APBB2: variants seen among roughly 807,000 people sequenced by gnomAD.
APBB2 encodes Fe65-like 1.
Under a neutral mutation model 82.5 loss-of-function variants are expected in APBB2, and 38 were observed. That is an observed-to-expected ratio of 0.46 (90% CI 0.36 to 0.60). APBB2 has a LOEUF of 0.60. Ranked by LOEUF, APBB2 falls within the 20% of genes least tolerant of loss-of-function variation. The pLI is 0.00. For synonymous variants in APBB2, 341 were observed against 368.2 expected, an observed-to-expected ratio of 0.93 and a Z score of 0.85; for missense variants, 772 against 972.3, an observed-to-expected ratio of 0.79 and a Z score of 2.74.
intron 2 of APBB2, among the ~76,000 whole-genome samples, chr4:41,118,868 G>C (rs2661656): frequency 0.23 from 35,532 of 152,076 alleles, 5,145 homozygotes; most frequent in East Asian, 0.6. Context: ...GGCCGGGCGC[G>C]GTGGCTCACG....
chr4:40,879,077 T>C (rs1304360383), intron 12 of APBB2, among the ~76,000 whole-genome samples: 1 of 151,938 alleles, frequency 6.6e-6, no homozygotes, highest in Non-Finnish European at 1.5e-5. Context: ...CCAGTTGAAG[T>C]TATAACAAAG....
intron 12 of APBB2, among the ~76,000 whole-genome samples, chr4:40,848,426 A>G (rs528803130): frequency 1.3e-5 from 2 of 152,216 alleles, no homozygotes; most frequent in East Asian, 3.9e-4. Context: ...AACAGAACAC[A>G]GGCCTGCTGG....
chr4:41,156,825 T>A (rs1763576671), intron 1 of APBB2, among the ~76,000 whole-genome samples: 1 of 151,978 alleles, frequency 6.6e-6, no homozygotes, highest in African/African-American at 2.4e-5. Context: ...CAGCACTTTG[T>A]GAGGCCAAGA....
At chr4:40,923,316 T>G (rs1030345243) in intron 10 of APBB2, among the ~76,000 whole-genome samples, 1 of 152,204 alleles carries the variant, frequency 6.6e-6, no homozygotes, top group Non-Finnish European at 1.5e-5. Context: ...AGCAGAAATG[T>G]TTTCATCACT....
intron 4 of APBB2, among the ~76,000 whole-genome samples, chr4:41,055,503 C>G (rs1383624739): frequency 1.3e-5 from 2 of 152,130 alleles, no homozygotes; most frequent in African/African-American, 4.8e-5. Flanking sequence ...TTGTCACTGC[C>G]CTCTATACCA....
chr4:40,901,894 AAT>A (rs753101648), intron 10 of APBB2, among the ~76,000 whole-genome samples: 19 of 141,550 alleles, frequency 1.3e-4, no homozygotes, highest in Admixed American at 2.8e-4. Context: ...ACACCCTGAA[AAT>A]ATATCCAAAA....
At chr4:41,068,286 T>C (rs1157903678) in intron 3 of APBB2, among the ~76,000 whole-genome samples, 2 of 152,220 alleles carry the variant, frequency 1.3e-5, no homozygotes, top group Admixed American at 6.5e-5. Context: ...GTGGTCTCTA[T>C]TTCTCATAAC....
intron 5 of APBB2, among the ~76,000 whole-genome samples, chr4:41,032,933 C>T (rs560228191): frequency 1.7e-4 from 25 of 150,576 alleles, no homozygotes; most frequent in Non-Finnish European, 2.1e-4. Flanking sequence ...TACAGGCGCG[C>T]GCCACCATGC....
At chr4:41,117,295 A>T (rs2585585) in intron 2 of APBB2, among the ~76,000 whole-genome samples, 40,212 of 129,208 alleles carry the variant, frequency 0.31, 6,946 homozygotes, top group East Asian at 0.56. Flanking sequence ...TATTATTATT[A>T]TTTTTTTTTT....
chr4:41,163,426 G>A (rs1765690887), intron 1 of APBB2, among the ~76,000 whole-genome samples: 6 of 152,202 alleles, frequency 3.9e-5, no homozygotes, highest in Admixed American at 3.3e-4. Flanking sequence ...ACCAAAGAAA[G>A]AAGGAAGTGA....
intron 12 of APBB2, among the ~76,000 whole-genome samples, chr4:40,875,559 C>T (rs577572069): frequency 1.3e-5 from 2 of 152,260 alleles, no homozygotes; most frequent in South Asian, 4.1e-4. Context: ...TGTTATGAGA[C>T]ATTTTACATC....
chr4:41,135,610 T>C (rs1407782227), intron 2 of APBB2, among the ~76,000 whole-genome samples: 5 of 152,226 alleles, frequency 3.3e-5, no homozygotes, highest in East Asian at 1.9e-4. Flanking sequence ...GTACTGTTTG[T>C]TCTTGTATCA....
chr4:40,878,419 G>GC (rs1390169674), intron 12 of APBB2, among the ~76,000 whole-genome samples: 1 of 152,036 alleles, frequency 6.6e-6, no homozygotes, highest in East Asian at 1.9e-4. Context: ...CTAATGCACT[G>GC]CCCGCAGAGA....
intron 1 of APBB2, among the ~76,000 whole-genome samples, chr4:41,211,211 C>T (rs1006866099): frequency 1.3e-5 from 2 of 151,600 alleles, no homozygotes; most frequent in South Asian, 2.1e-4. Flanking sequence ...GCCAAGATCG[C>T]GCCACTACAC....
intron 2 of APBB2, among the ~76,000 whole-genome samples, chr4:41,101,178 G>C (rs1030236913): frequency 3.9e-5 from 6 of 152,176 alleles, no homozygotes; most frequent in Non-Finnish European, 8.8e-5. Flanking sequence ...AAATAGAAGT[G>C]AATCGGCCGG....
At chr4:41,188,069 TA>T (rs1773405655) in intron 1 of APBB2, among the ~76,000 whole-genome samples, 1 of 152,248 alleles carries the variant, frequency 6.6e-6, no homozygotes. Flanking sequence ...CAATTCACAT[TA>T]AAGTGCCTAT....
At chr4:40,843,197 T>C (rs1463234762) in intron 12 of APBB2, among the ~76,000 whole-genome samples, 4 of 152,130 alleles carry the variant, frequency 2.6e-5, no homozygotes, top group Admixed American at 2.6e-4. Flanking sequence ...ACTGGATAGA[T>C]AACGAGGAGG....
chr4:41,104,782 T>C (rs1456309978), intron 2 of APBB2, among the ~76,000 whole-genome samples: 1 of 152,192 alleles, frequency 6.6e-6, no homozygotes, highest in Admixed American at 6.5e-5. Flanking sequence ...CTAATTCTCT[T>C]AGGATAATGG....
At chr4:41,115,955 C>G (rs1750837438) in intron 2 of APBB2, among the ~76,000 whole-genome samples, 1 of 152,130 alleles carries the variant, frequency 6.6e-6, no homozygotes, top group African/African-American at 2.4e-5. Flanking sequence ...CCCAGCAACC[C>G]CATTACTGGG....
Sources: allele counts gnomAD v4.1 joint callset (sites outside exome capture counted in the v4.1 genomes callset), GRCh38; gene constraint gnomAD v4.1.1; transcripts MANE v1.5; gene names NCBI Gene and HGNC (gene_info 2026-07-23, HGNC 2026-07-21).